OCA2: variants seen among roughly 807,000 people sequenced by gnomAD.
OCA2 encodes P protein.
A neutral mutation model predicts 100.2 loss-of-function variants in OCA2; 77 were observed. The observed-to-expected ratio is 0.77, with a 90% CI of 0.64 to 0.93. The LOEUF is 0.93. Among genes scored for constraint, OCA2 ranks in the 40% least tolerant of loss-of-function variants. The pLI, the probability that OCA2 is intolerant of heterozygous loss-of-function variation, is 0.00. For synonymous variants in OCA2, 432 were observed against 439.2 expected, an observed-to-expected ratio of 0.98 and a Z score of 0.21; for missense variants, 1,062 against 1,089.1, an observed-to-expected ratio of 0.98 and a Z score of 0.35.
chr15:28,019,708 A>G (rs2871875), intron 6 of OCA2, among the ~76,000 whole-genome samples: 93,610 of 151,998 alleles, frequency 0.62, 31,244 homozygotes, highest in Non-Finnish European at 0.76. Context: ...CTTGCTCAGA[A>G]GACAGCCCTG....
chr15:27,970,056 G>T (rs928806233), intron 14 of OCA2, among the ~76,000 whole-genome samples: 1 of 152,086 alleles, frequency 6.6e-6, no homozygotes, highest in African/African-American at 2.4e-5. Flanking sequence ...GGGCCAGACG[G>T]GGGTGTGGGT....
rs2044328268 is a variant in OCA2 at position 28,073,457 on chromosome 15, G to A, written c.227+8191C>T. On this transcript the variant is annotated intron_variant, in intron 2 of 23. Transcript: ENST00000354638. ...TCATCTCCTTTGCAGTAACATAGATGGAGCTGGAAGCTATAACCCTAAACA... is the reference window on the plus strand; with the variant it reads ...TCATCTCCTTTGCAGTAACATAGATAGAGCTGGAAGCTATAACCCTAAACA... Among the ~76,000 whole-genome samples the A allele has an allele frequency of 2.0e-5, 3 of 152,162 alleles. No homozygotes were observed. The South Asian group carries it at 6.2e-4, about 32-fold the overall frequency.
At chr15:27,905,991 G>A (rs1316019461) in intron 19 of OCA2, among the ~76,000 whole-genome samples, 2 of 152,182 alleles carry the variant, frequency 1.3e-5, no homozygotes, top group Non-Finnish European at 2.9e-5. Flanking sequence ...AAATAACAGG[G>A]AGAAATAAAA....
intron 19 of OCA2, among the ~76,000 whole-genome samples, chr15:27,882,212 C>T (rs1474847685): frequency 6.6e-6 from 1 of 152,180 alleles, no homozygotes; most frequent in East Asian, 1.9e-4. Flanking sequence ...AATTTTTGGT[C>T]GTGTTCCACA....
intron 23 of OCA2, among the ~76,000 whole-genome samples, chr15:27,785,813 C>G (rs2151105888): frequency 6.6e-6 from 1 of 152,228 alleles, no homozygotes; most frequent in South Asian, 2.1e-4. Flanking sequence ...TGGCATTATT[C>G]ATAATAGCCA....
chr15:28,061,844 G>A (rs2043882363), intron 2 of OCA2, among the ~76,000 whole-genome samples: 1 of 152,056 alleles, frequency 6.6e-6, no homozygotes, highest in Non-Finnish European at 1.5e-5. Context: ...TTTATATCTG[G>A]CTTCTTTCAC....
intron 10 of OCA2, among the ~76,000 whole-genome samples, 182 bp from the exon 11 acceptor site, chr15:27,989,848 C>A (rs1595774943): frequency 6.6e-6 from 1 of 152,198 alleles, no homozygotes; most frequent in South Asian, 2.1e-4. Flanking sequence ...TGACCCAGGG[C>A]ATCTATAATG....
At chr15:27,947,363 T>C (rs986033728) in intron 18 of OCA2, among the ~76,000 whole-genome samples, 3 of 152,194 alleles carry the variant, frequency 2.0e-5, no homozygotes, top group African/African-American at 7.2e-5. Context: ...TGTGAGGTGA[T>C]GGTCCCTGCA....
rs190708415 is a variant in OCA2, at chr15:27,850,961, C to A, written c.2338+421G>T. Among the ~76,000 whole-genome samples the A allele has an allele frequency of 8.6e-4, 131 of 152,282 alleles. 3 individuals carry two copies. The highest frequency in any genetic ancestry group is 3.0e-3 in the African/African-American group (123 of 41,556). On this transcript the variant is annotated intron_variant, in intron 22 of 23. Transcript: ENST00000354638. ...AGTGCAATGCCCACCCCAAAAACATCCTTTAATCTTTCTTCCCACTCTTAT... is the reference window on the plus strand; with the variant it reads ...AGTGCAATGCCCACCCCAAAAACATACTTTAATCTTTCTTCCCACTCTTAT...
intron 9 of OCA2, among the ~76,000 whole-genome samples, chr15:27,999,616 A>G (rs1000939981): frequency 6.6e-6 from 1 of 152,192 alleles, no homozygotes; most frequent in African/African-American, 2.4e-5. Flanking sequence ...TACATAGTAG[A>G]GCAATTAGAC....
At chr15:28,003,597 C>T (rs770608623) in intron 9 of OCA2, among the ~76,000 whole-genome samples, 151 of 147,858 alleles carry the variant, frequency 1.0e-3, no homozygotes, top group Middle Eastern at 3.4e-3. Flanking sequence ...CTGCGGGGAA[C>T]GACGGGAAAG....
At chr15:27,894,065 T>A (rs551332320) in intron 19 of OCA2, among the ~76,000 whole-genome samples, 1 of 152,240 alleles carries the variant, frequency 6.6e-6, no homozygotes, top group African/African-American at 2.4e-5. Flanking sequence ...CCTACCAATA[T>A]GTGATGTCAC....
chr15:27,854,842 G>A (rs538266667), intron 21 of OCA2, among the ~76,000 whole-genome samples: 8 of 152,206 alleles, frequency 5.3e-5, no homozygotes, highest in South Asian at 2.1e-4. Context: ...CACGCCACCC[G>A]GAACAAGGAG....
At chr15:28,013,633 G>T (rs1308305749) in intron 9 of OCA2, among the ~76,000 whole-genome samples, 1 of 152,150 alleles carries the variant, frequency 6.6e-6, no homozygotes, top group Non-Finnish European at 1.5e-5. Context: ...TCTGGCTGCT[G>T]GAGGGAGGGG....
intron 19 of OCA2, among the ~76,000 whole-genome samples, chr15:27,924,767 G>T (rs889920264): frequency 1.3e-5 from 2 of 152,140 alleles, no homozygotes; most frequent in East Asian, 1.9e-4. Flanking sequence ...GAGGAAAAAA[G>T]ATATGAGATA....
At position 27,956,565 on chromosome 15, in the gene OCA2, C is replaced by A. The variant is rs28406431; in HGVS notation, c.1784+1023G>T. Among the ~76,000 whole-genome samples, 737 of 152,260 alleles carry A rather than the reference C, an allele frequency of 4.8e-3. 4 individuals carry two copies. Among genetic ancestry groups the A allele is most frequent in the Non-Finnish European group, 6.7e-3 (453 of 67,990 alleles). ...TGAGATGCACTGAGTGTGTCTTTAA[C>A]ACCCAACACCAGCACAATTTATTCC... On this transcript the variant is annotated intron_variant, in intron 16 of 23. Transcript: ENST00000354638.
chr15:27,801,195 AG>A (rs1382433512), intron 23 of OCA2, among the ~76,000 whole-genome samples: 1 of 152,242 alleles, frequency 6.6e-6, no homozygotes, highest in Non-Finnish European at 1.5e-5. Flanking sequence ...AGGAAACTAC[AG>A]AACAATCTCT....
chr15:28,080,147 C>T (rs147923353), intron 2 of OCA2, among the ~76,000 whole-genome samples: 8 of 152,296 alleles, frequency 5.3e-5, no homozygotes, highest in South Asian at 2.1e-4. Context: ...ACAGTCCTTC[C>T]GGCCATATTA....
At chr15:27,952,463 G>A (rs990708079) in intron 17 of OCA2, among the ~76,000 whole-genome samples, 2 of 152,124 alleles carry the variant, frequency 1.3e-5, no homozygotes, top group African/African-American at 2.4e-5. Flanking sequence ...GGCACGAGAC[G>A]GGGCTCTCCC....
Sources: gnomAD v4.1 joint callset for allele counts (sites outside exome capture counted in the v4.1 genomes callset) on GRCh38, gnomAD v4.1.1 for gene constraint, MANE v1.5 for transcripts, NCBI Gene and HGNC (gene_info 2026-07-23, HGNC 2026-07-21) for gene names.